EFNB2: variants seen among roughly 807,000 people sequenced by gnomAD.
EFNB2 encodes the protein ephrin B2, also known as ephrin-B2.
EFNB2 carries 5 observed loss-of-function variants against 32.1 expected under a neutral mutation model. That is an observed-to-expected ratio of 0.16 (90% CI 0.08 to 0.33). The LOEUF (loss-of-function observed/expected upper bound fraction) is 0.33. EFNB2 is among the 10% of genes least tolerant of loss of function. EFNB2 has a pLI of 1.00. For synonymous variants in EFNB2, 168 were observed against 166.5 expected, an observed-to-expected ratio of 1.01 and a Z score of -0.07; for missense variants, 263 against 422.6, an observed-to-expected ratio of 0.62 and a Z score of 3.31.
chr13:106,511,364 C>T (rs1036268242), intron 2 of EFNB2, among the ~76,000 whole-genome samples: 1 of 152,118 alleles, frequency 6.6e-6, no homozygotes, highest in Non-Finnish European at 1.5e-5. Context: ...TGCCTGTAGT[C>T]CGAGCTACTT....
chr13:106,510,967 C>T (rs1264627611), intron 2 of EFNB2, among the ~76,000 whole-genome samples: 1 of 151,990 alleles, frequency 6.6e-6, no homozygotes, highest in East Asian at 1.9e-4. Context: ...CCACTGCACT[C>T]CAGCCTGACG....
At chr13:106,525,248 C>T (rs533153464) in intron 1 of EFNB2, among the ~76,000 whole-genome samples, 1 of 152,314 alleles carries the variant, frequency 6.6e-6, no homozygotes, top group South Asian at 2.1e-4. Flanking sequence ...TAAAGCTACC[C>T]AGCTAATAAA....
intron 3 of EFNB2, among the ~76,000 whole-genome samples, chr13:106,495,265 G>A (rs1878549357): frequency 6.6e-6 from 1 of 152,208 alleles, no homozygotes; most frequent in African/African-American, 2.4e-5. Flanking sequence ...CAATTTAACT[G>A]AGCAAGTTGA....
In EFNB2 at chr13:106,492,594, G is replaced by T. The variant is rs967736739; in HGVS notation, c.*446C>A. ...CTTTGCACACCTTAACTAGCCCGAGGTCCGTGTGACAAGTCCGGTATGCAC... is the reference window on the plus strand; with the variant it reads ...CTTTGCACACCTTAACTAGCCCGAGTTCCGTGTGACAAGTCCGGTATGCAC... On this transcript the variant is annotated 3_prime_UTR_variant, in exon 5 of 5. Transcript: ENST00000646441. This position sits in a 1 kb window ranked among gnomAD's most constrained non-coding sequence, Gnocchi z 5.1. The T allele has an allele frequency of 1.2e-5, 2 of 169,742 alleles. No individual in the cohort carries two copies. The highest frequency in any genetic ancestry group is 5.5e-5 in the Admixed American group (1 of 18,146). 10.5% of individuals were successfully genotyped at this position (169,742 alleles called of 1,614,324 possible).
chr13:106,501,596 CTTTT>C (rs753512349), intron 2 of EFNB2, among the ~76,000 whole-genome samples: 1 of 143,574 alleles, frequency 7.0e-6, no homozygotes, highest in African/African-American at 2.5e-5. Context: ...ATTTATTTTC[CTTTT>C]TTTTTTTTTT....
At chr13:106,494,508 C>CTTAGATATAA (rs1185507488) in intron 4 of EFNB2, among the ~76,000 whole-genome samples, 3 of 152,164 alleles carry the variant, frequency 2.0e-5, no homozygotes, top group African/African-American at 4.8e-5. Flanking sequence ...CCCTCTGTGG[C>CTTAGATATAA]TTAGATATAA....
intron 2 of EFNB2, among the ~76,000 whole-genome samples, chr13:106,499,703 T>C (rs1361994755): frequency 6.6e-6 from 1 of 152,178 alleles, no homozygotes; most frequent in Non-Finnish European, 1.5e-5. Flanking sequence ...ATATTTTTTT[T>C]CCCTTGGCTC....
chr13:106,512,801 C>G lies in EFNB2; in HGVS notation c.134G>C (p.Gly45Ala). The part of the protein sequence containing the change: ...WNSSNSKFLP[G>A]QGLVLYPQIG... ...CTGTGGGTATAGTACCAGTCCTTGT[C>G]CAGGTAGAAATCTAAAAGCATAAGA... is the stretch of plus-strand genomic sequence containing the variant. Residue 45 changes from glycine to alanine, a missense_variant, in exon 2 of 5, where the codon GGA (glycine) becomes GCA (alanine). This residue lies in a region of EFNB2 where 46 missense variants were observed against 56.9 expected (regional missense o/e 0.81). Transcript: ENST00000646441. The G allele has an allele frequency of 6.4e-7, 1 of 1,568,448 alleles. No homozygotes were observed. Among genetic ancestry groups the G allele is most frequent in the Non-Finnish European group, 8.7e-7 (1 of 1,155,012 alleles).
At chr13:106,522,344 G>C (rs1167319628) in intron 1 of EFNB2, among the ~76,000 whole-genome samples, 2 of 152,202 alleles carry the variant, frequency 1.3e-5, no homozygotes, top group Non-Finnish European at 2.9e-5. Flanking sequence ...CATGCTTTCA[G>C]CAAGAGTCTA....
chr13:106,534,044 C>T (rs566801127), intron 1 of EFNB2, among the ~76,000 whole-genome samples: 1 of 152,168 alleles, frequency 6.6e-6, no homozygotes. Flanking sequence ...TACCAGGGTC[C>T]CGAGGGAGAA....
intron 3 of EFNB2, 83 bp downstream of exon 3, chr13:106,495,665 T>C (rs1878566016): frequency 4.7e-6 from 6 of 1,276,760 alleles, no homozygotes; most frequent in South Asian, 2.6e-5. Flanking sequence ...CGAATGAAGG[T>C]GGGCATCGGC....
In EFNB2 at chr13:106,493,206, C is replaced by T. The variant is rs764803364; in HGVS notation, c.836G>A (p.Gly279Asp). 4.5e-5 allele frequency: 72 copies of T among 1,614,072 alleles called. 1 individual carries two copies. The highest frequency in any genetic ancestry group is 2.2e-5 in the East Asian group (1 of 44,894). The change falls in exon 5 of 5, where the codon GGC (glycine) becomes GAC (aspartate). Residue 279 changes from glycine (G) to aspartate (D), a missense_variant. By Grantham distance (94) the Gly-to-Asp change is moderately conservative. Around this residue, in one of 3 missense-constraint regions of EFNB2, gnomAD observed 172 missense variants for 237.1 expected, o/e 0.73. Transcript: ENST00000646441. The surrounding 1 kb of genome is among the most constrained non-coding windows in gnomAD (Gnocchi z 6.1). Reference protein sequence around the residue: ...LSTLATPKRSGNNNGSEPSDI... With the variant: ...LSTLATPKRSDNNNGSEPSDI... The stretch of plus-strand genomic sequence containing the variant: ...ACTGGGCTCTGAGCCGTTGTTGTTG[C>T]CGCTGCGCTTGGGTGTGGCCAGTGT...
At chr13:106,511,890 G>A (rs574437602) in intron 2 of EFNB2, among the ~76,000 whole-genome samples, 92 of 152,184 alleles carry the variant, frequency 6.0e-4, no homozygotes, top group African/African-American at 2.1e-3. Flanking sequence ...CAAGGGATAC[G>A]TACCATCTCT....
At chr13:106,530,881 C>T (rs953046186) in intron 1 of EFNB2, among the ~76,000 whole-genome samples, 5 of 152,174 alleles carry the variant, frequency 3.3e-5, no homozygotes, top group African/African-American at 1.2e-4. Context: ...ATCCACCAAC[C>T]GAAGGATGCA....
At chr13:106,516,886 C>A (rs959521002) in intron 1 of EFNB2, 4 of 152,074 alleles carry the variant, frequency 2.6e-5, no homozygotes, top group Admixed American at 1.3e-4. Context: ...GGACTCCAGA[C>A]AATTATGCAA....
chr13:106,492,650 G>A lies in EFNB2; in HGVS notation c.*390C>T, dbSNP rs559479795. On this transcript the variant is annotated 3_prime_UTR_variant, in exon 5 of 5. Transcript: ENST00000646441. This position sits in a 1 kb window ranked among gnomAD's most constrained non-coding sequence, Gnocchi z 5.1. ...GGGAAATGCACCCCAGGCAGAAGCCGGCCCTTCCAGGCGTGGCATCCTGGG... is the reference window on the plus strand; with the variant it reads ...GGGAAATGCACCCCAGGCAGAAGCCAGCCCTTCCAGGCGTGGCATCCTGGG... The A allele has an allele frequency of 1.2e-4, 24 of 193,946 alleles. No individual in the cohort carries two copies. Among genetic ancestry groups the A allele is most frequent in the South Asian group, 7.1e-4 (6 of 8,400 alleles). The allele number at this position is 193,946 out of a possible 1,614,324, so 12.0% of individuals were successfully genotyped here.
Position 106,493,570 on chromosome 13 carries a change from C to T in EFNB2, c.614-142G>A, listed in dbSNP as rs990869093. 6.3e-6 allele frequency: 7 copies of T among 1,111,630 alleles called. No individual in the cohort carries two copies. The highest frequency in any genetic ancestry group is 6.3e-5 in the African/African-American group (4 of 63,550). 68.9% of individuals were successfully genotyped at this position (1,111,630 alleles called of 1,614,324 possible). ...GCTGGACTTTGCCTCGCCAATACCTCGTCTAAGAGCTCAACGCAAAAGGAA... is the reference window on the plus strand; with the variant it reads ...GCTGGACTTTGCCTCGCCAATACCTTGTCTAAGAGCTCAACGCAAAAGGAA... On this transcript the variant is annotated intron_variant, in intron 4 of 4. Transcript: ENST00000646441. This position sits in a 1 kb window ranked among gnomAD's most constrained non-coding sequence, Gnocchi z 6.1.
chr13:106,499,455 T>A (rs1878700044), intron 2 of EFNB2, among the ~76,000 whole-genome samples: 1 of 152,206 alleles, frequency 6.6e-6, no homozygotes, highest in African/African-American at 2.4e-5. Context: ...TCTATTTCCA[T>A]TTCAGGAGAC....
chr13:106,504,587 G>A (rs1298908586), intron 2 of EFNB2, among the ~76,000 whole-genome samples: 1 of 152,184 alleles, frequency 6.6e-6, no homozygotes, highest in East Asian at 1.9e-4. Flanking sequence ...TCCCGCGTTT[G>A]TGCCAATAAA....
Sources: gnomAD v4.1 joint callset for allele counts (sites outside exome capture counted in the v4.1 genomes callset) on GRCh38, gnomAD v4.1.1 for gene constraint, gnomAD v4.1.1 regional missense constraint, Gnocchi (gnomAD v3.1) non-coding constraint, MANE v1.5 for transcripts, NCBI Gene and HGNC (gene_info 2026-07-23, HGNC 2026-07-21) for gene names.